TATDN1: variants seen among roughly 807,000 people sequenced by gnomAD.
TATDN1 encodes the protein deoxyribonuclease TATDN1.
TATDN1 carries 40 observed loss-of-function variants against 46.4 expected under a neutral mutation model. The ratio of observed to expected loss-of-function variants is 0.86; its 90% CI spans 0.67 to 1.12. The LOEUF (loss-of-function observed/expected upper bound fraction) is 1.12. Ranked by LOEUF, TATDN1 falls within the 50% of genes most tolerant of loss-of-function variation. The pLI, the probability that TATDN1 is intolerant of heterozygous loss-of-function variation, is 0.00. For missense variants in TATDN1, 326 were observed against 348.4 expected, an observed-to-expected ratio of 0.94 and a Z score of 0.51; for synonymous variants, 95 against 105.6, an observed-to-expected ratio of 0.90 and a Z score of 0.62.
chr8:124,495,037 A>T (rs1817349713), intron 10 of TATDN1: 1 of 160,662 alleles, frequency 6.2e-6, no homozygotes, highest in African/African-American at 2.4e-5. Flanking sequence ...TTGTTTTAAG[A>T]GGCAACGGAT....
rs1294700574 is a variant in TATDN1, at chr8:124,515,802, A to G, written c.347-14T>C. On this transcript the variant is annotated splice_polypyrimidine_tract_variant and intron_variant, in intron 5 of 11. Transcript: ENST00000276692. ...GTCGGTCAAAATCTTTAAAAAGATA[A>G]AGAAGAATAATTACTCCTAACTTAT... 11 of 1,613,612 alleles carry G rather than the reference A, an allele frequency of 6.8e-6. No homozygotes were observed. The highest frequency in any genetic ancestry group is 9.3e-6 in the Non-Finnish European group (11 of 1,179,748).
Position 124,515,998 on chromosome 8 carries a change from T to C in TATDN1, c.235A>G (p.Thr79Ala). 1 of 1,613,752 alleles carries C rather than the reference T, an allele frequency of 6.2e-7. No homozygotes were observed. Among genetic ancestry groups the C allele is most frequent in the Non-Finnish European group, 8.5e-7 (1 of 1,179,886 alleles). ...TTCTTTTCAAATTCACCACATCTTG[T>C]AGGATGACATCCAACTGTACTGAAA... is the stretch of plus-strand genomic sequence containing the variant. ...MFFSTVGCHP[T>A]RCGEFEKNNP... Residue 79 changes from threonine to alanine, a missense_variant, in exon 5 of 12, where the codon ACA (threonine) becomes GCA (alanine). Thr to Ala is a moderately conservative substitution (Grantham distance 58). Transcript: ENST00000276692.
chr8:124,534,042 A>G (rs1821207217), intron 1 of TATDN1, among the ~76,000 whole-genome samples: 1 of 145,944 alleles, frequency 6.9e-6, no homozygotes, highest in Admixed American at 6.9e-5. Context: ...GCTACTCGGG[A>G]GGCTGAGGCA....
chr8:124,523,349 G>C (rs1370678770), intron 1 of TATDN1: 2 of 231,982 alleles, frequency 8.6e-6, no homozygotes, highest in Non-Finnish European at 1.7e-5. Flanking sequence ...AGTCATCATT[G>C]AACTGAATCT....
intron 6 of TATDN1, among the ~76,000 whole-genome samples, chr8:124,513,380 C>A (rs1819197857): frequency 6.6e-6 from 1 of 152,186 alleles, no homozygotes; most frequent in Non-Finnish European, 1.5e-5. Context: ...AAAGTCAGTC[C>A]TTCCCTCTGC....
At chr8:124,511,880 T>A (rs535866907) in intron 6 of TATDN1, among the ~76,000 whole-genome samples, 4 of 152,232 alleles carry the variant, frequency 2.6e-5, no homozygotes, top group Admixed American at 1.3e-4. Flanking sequence ...TTAAGAAAGG[T>A]AGGCAGCAAT....
chr8:124,531,564 T>G (rs1563691477), intron 1 of TATDN1, among the ~76,000 whole-genome samples: 1 of 152,200 alleles, frequency 6.6e-6, no homozygotes, highest in Non-Finnish European at 1.5e-5. Flanking sequence ...AAGCAGCATT[T>G]TGGCCACCAC....
At chr8:124,495,168 T>TA in intron 10 of TATDN1, 1 of 358,670 alleles carries the variant, frequency 2.8e-6, no homozygotes, top group Non-Finnish European at 5.0e-6. Flanking sequence ...CTTGGAAGTG[T>TA]GATGTGCTTA....
At chr8:124,510,415 C>T (rs1036948080) in intron 6 of TATDN1, among the ~76,000 whole-genome samples, 3 of 152,182 alleles carry the variant, frequency 2.0e-5, no homozygotes, top group African/African-American at 7.2e-5. Flanking sequence ...GTTATTTTTT[C>T]CACACACAAT....
At chr8:124,529,147 A>G (rs1820748397) in intron 1 of TATDN1, among the ~76,000 whole-genome samples, 1 of 152,172 alleles carries the variant, frequency 6.6e-6, no homozygotes, top group Non-Finnish European at 1.5e-5. Context: ...GTGTGTATAA[A>G]AGTCAAGTGC....
At chr8:124,489,047 T>G (rs537898306) in intron 11 of TATDN1, 1 of 263,910 alleles carries the variant, frequency 3.8e-6, no homozygotes, top group South Asian at 4.2e-5. Flanking sequence ...ATGAGCATTT[T>G]AAACATTGAC....
chr8:124,513,739 T>G (rs567842351), intron 6 of TATDN1, among the ~76,000 whole-genome samples: 2 of 152,338 alleles, frequency 1.3e-5, no homozygotes, highest in South Asian at 4.1e-4. Flanking sequence ...AAAAGTCATA[T>G]GGGCAAAAAA....
At chr8:124,505,759 A>C (rs1365424102) in intron 8 of TATDN1, among the ~76,000 whole-genome samples, 2 of 151,992 alleles carry the variant, frequency 1.3e-5, no homozygotes, top group African/African-American at 4.8e-5. Flanking sequence ...CTGAGTCCAG[A>C]GAGCCTGAAT....
At chr8:124,538,925 T>A in intron 1 of TATDN1, 100 bp downstream of exon 1, 1 of 1,465,588 alleles carries the variant, frequency 6.8e-7, no homozygotes, top group Non-Finnish European at 9.5e-7. Context: ...TTTCAACCCT[T>A]ACAATGCCGG....
intron 9 of TATDN1, among the ~76,000 whole-genome samples, chr8:124,501,396 A>G (rs1020155304): frequency 1.3e-5 from 2 of 152,128 alleles, no homozygotes; most frequent in Non-Finnish European, 2.9e-5. Flanking sequence ...TGCCTTCTAG[A>G]GAGCTTCCAA....
At chr8:124,508,095 T>C (rs995939839) in intron 8 of TATDN1, among the ~76,000 whole-genome samples, 1 of 152,248 alleles carries the variant, frequency 6.6e-6, no homozygotes, top group African/African-American at 2.4e-5. Context: ...CCAAGATGCT[T>C]TGTGTGTCAC....
chr8:124,531,789 T>C (rs77268434), intron 1 of TATDN1, among the ~76,000 whole-genome samples: 1,553 of 152,272 alleles, frequency 0.01, 33 homozygotes, highest in African/African-American at 0.036. Context: ...AAAGTTTACA[T>C]AGCGGTGGGG....
Position 124,515,790 on chromosome 8 carries a change from T to C in TATDN1, c.347-2A>G. 6.2e-7 allele frequency: 1 copy of C among 1,613,822 alleles called. No homozygotes were observed. The highest frequency in any genetic ancestry group is 8.5e-7 in the Non-Finnish European group (1 of 1,179,870). ...GACAAAACTGCAGTCGGTCAAAATC[T>C]TTAAAAAGATAAAGAAGAATAATTA... On this transcript the variant is annotated splice_acceptor_variant, in intron 5 of 11. Transcript: ENST00000276692. LOFTEE classifies it high-confidence loss of function.
At chr8:124,522,116 T>C (rs967062152) in intron 3 of TATDN1, 35 bp downstream of exon 3, 7 of 1,499,616 alleles carry the variant, frequency 4.7e-6, no homozygotes, top group African/African-American at 1.4e-5. Flanking sequence ...AAAAATGAAT[T>C]TTAAAAATCT....
Sources: gnomAD v4.1 joint callset for allele counts (sites outside exome capture counted in the v4.1 genomes callset) on GRCh38, gnomAD v4.1.1 for gene constraint, MANE v1.5 for transcripts, NCBI Gene and HGNC (gene_info 2026-07-23, HGNC 2026-07-21) for gene names.